Variants in VRK3 observed in about 807,000 individuals in gnomAD.
The protein encoded by VRK3 is serine/threonine-protein kinase VRK3.
In VRK3, 50 loss-of-function variants were observed where a neutral mutation model predicts 60.4. The ratio of observed to expected loss-of-function variants is 0.83; its 90% CI spans 0.66 to 1.05. VRK3 has a LOEUF of 1.05. VRK3 is among the 50% of genes least tolerant of loss of function. The pLI is 0.00. For missense variants in VRK3, 549 were observed against 585.3 expected, an observed-to-expected ratio of 0.94 and a Z score of 0.64; for synonymous variants, 246 against 227.8, an observed-to-expected ratio of 1.08 and a Z score of -0.72.
intron 1 of VRK3, among the ~76,000 whole-genome samples, chr19:50,022,793 CATAA>C (rs1254416029): frequency 2.0e-5 from 3 of 152,256 alleles, no homozygotes; most frequent in Middle Eastern, 3.4e-3. Flanking sequence ...GACTCAGTCT[CATAA>C]ATAAACAAAT....
At chr19:49,983,471 C>T (rs530454225) in intron 12 of VRK3, among the ~76,000 whole-genome samples, 3 of 152,156 alleles carry the variant, frequency 2.0e-5, no homozygotes, top group Non-Finnish European at 4.4e-5. Context: ...GACATACATG[C>T]GCAGGAAGGC....
chr19:49,995,912 C>G (rs1406064771), intron 7 of VRK3, among the ~76,000 whole-genome samples: 2 of 152,000 alleles, frequency 1.3e-5, no homozygotes, highest in Non-Finnish European at 2.9e-5. Flanking sequence ...CCAGGCCCAG[C>G]TAATTTTTTT....
chr19:49,995,334 G>C (rs370034290), intron 7 of VRK3, 59 bp from the exon 8 acceptor site: 144 of 1,513,022 alleles, frequency 9.5e-5, no homozygotes, highest in Non-Finnish European at 1.3e-4. Flanking sequence ...ATGGCAGTAA[G>C]AGCTAGTTCT....
intron 3 of VRK3, among the ~76,000 whole-genome samples, chr19:50,010,660 C>T (rs2076980542): frequency 6.6e-6 from 1 of 152,226 alleles, no homozygotes. Flanking sequence ...TGCCTGTAAT[C>T]CCAGCACTTT....
rs1232049212 is a variant in VRK3, at chr19:49,979,342, G to A, written c.1277-100C>T. The stretch of plus-strand genomic sequence containing the variant: ...CAAGGATGGAGGGGTGGGGGACTGA[G>A]GGGCATGAGGGTCTCAGCAAAAGTG... On this transcript the variant is annotated intron_variant, in intron 13 of 14. Transcript: ENST00000316763. The A allele has an allele frequency of 5.9e-6, 9 of 1,524,132 alleles. No homozygotes were observed. In the East Asian group the frequency reaches 1.6e-4, roughly 27 times the overall value. 94.4% of individuals were successfully genotyped at this position (1,524,132 alleles called of 1,614,324 possible).
intron 5 of VRK3, among the ~76,000 whole-genome samples, chr19:50,002,166 G>C (rs10423245): frequency 0.052 from 7,973 of 152,102 alleles, 690 homozygotes; most frequent in African/African-American, 0.18. Context: ...TCCTTCCTCT[G>C]TTCTCATCGT....
intron 7 of VRK3, 44 bp downstream of exon 7, chr19:49,997,460 G>A (rs746944450): frequency 8.1e-6 from 13 of 1,604,592 alleles, no homozygotes; most frequent in East Asian, 4.5e-5. Context: ...CCAAGTTGGC[G>A]CCCCCCTCAC....
rs928324274 is a variant in VRK3 at position 50,016,306 on chromosome 19, A to T, written c.-1-143T>A. The stretch of plus-strand genomic sequence containing the variant: ...ACTGTTTGTGATGTTCACTTCTTAA[A>T]ACATGCAATGGGAATGGGAGTGACA... On this transcript the variant is annotated intron_variant, in intron 2 of 14. Transcript: ENST00000316763. 5 of 1,083,302 alleles carry T rather than the reference A, an allele frequency of 4.6e-6. No individual in the cohort carries two copies. In the East Asian group the frequency reaches 1.3e-4, roughly 28 times the overall value. The allele number at this position is 1,083,302 out of a possible 1,614,324, so 67.1% of individuals were successfully genotyped here.
At chr19:49,985,774 TTTG>T (rs1455644513) in intron 12 of VRK3, among the ~76,000 whole-genome samples, 1 of 152,194 alleles carries the variant, frequency 6.6e-6, no homozygotes, top group Non-Finnish European at 1.5e-5. Context: ...GGGTTCAGTA[TTTG>T]TTGAGTGAAG....
At chr19:49,982,638 G>GT (rs1426557533) in intron 12 of VRK3, among the ~76,000 whole-genome samples, 3 of 152,188 alleles carry the variant, frequency 2.0e-5, no homozygotes, top group Non-Finnish European at 2.9e-5. Context: ...CACTGTGTCT[G>GT]TAAGTGGCCA....
intron 13 of VRK3, 78 bp downstream of exon 13, chr19:49,980,877 A>C: frequency 7.5e-7 from 1 of 1,337,130 alleles, no homozygotes; most frequent in Non-Finnish European, 1.0e-6. Flanking sequence ...AGGTGTAAGG[A>C]GAAGCCACCC....
chr19:49,984,840 G>T (rs1487692540), intron 12 of VRK3, among the ~76,000 whole-genome samples: 1 of 152,060 alleles, frequency 6.6e-6, no homozygotes. Context: ...GCCCAGGCGG[G>T]TCTCAAACTC....
At chr19:50,024,654 T>C (rs1215470826) in intron 1 of VRK3, among the ~76,000 whole-genome samples, 3 of 152,206 alleles carry the variant, frequency 2.0e-5, no homozygotes, top group Non-Finnish European at 4.4e-5. Context: ...ACCCAGGTTA[T>C]AGTAGTGTAA....
At chr19:50,013,905 A>G (rs2077034595) in intron 3 of VRK3, among the ~76,000 whole-genome samples, 1 of 152,226 alleles carries the variant, frequency 6.6e-6, no homozygotes. Context: ...CATTGCATAG[A>G]GGGAAGATGC....
chr19:50,004,813 G>C (rs1009479288), intron 5 of VRK3, among the ~76,000 whole-genome samples: 3 of 151,986 alleles, frequency 2.0e-5, no homozygotes, highest in Non-Finnish European at 4.4e-5. Context: ...GGGAGGCTGA[G>C]GGGGGAGAAT....
At position 49,988,353 on chromosome 19, in the gene VRK3, T is replaced by G. The variant is rs753384787; in HGVS notation, c.1217+19A>C. ...TTCTGCTGACCACCTGCAGGGGTTC[T>G]GCTGACCCCTAGACTCACTTCTGTT... On this transcript the variant is annotated intron_variant, in intron 12 of 14. Transcript: ENST00000316763. 6.2e-7 allele frequency: 1 copy of G among 1,608,446 alleles called. No homozygotes were observed. The highest frequency in any genetic ancestry group is 8.5e-7 in the Non-Finnish European group (1 of 1,176,770).
In VRK3 at chr19:50,007,640, G is replaced by A. The variant is rs756380413; in HGVS notation, c.476C>T (p.Thr159Ile). 1 of 1,614,230 alleles carries A rather than the reference G, an allele frequency of 6.2e-7. No individual in the cohort carries two copies. The highest frequency in any genetic ancestry group is 8.5e-7 in the Non-Finnish European group (1 of 1,180,038). ...CTTCCACTGTCGCCCACTCTTGTCT[G>A]TCAGCACTGTCCCTGTGGGCAAAGC... ...LEALPTGTVL[T>I]DKSGRQWKLK... The change falls in exon 5 of 15, where the codon ACA (threonine) becomes ATA (isoleucine). Residue 159 changes from threonine (T) to isoleucine (I), a missense_variant. Thr to Ile is a moderately conservative substitution (Grantham distance 89). Transcript: ENST00000316763.
intron 11 of VRK3, 61 bp from the exon 12 acceptor site, chr19:49,988,553 C>A: frequency 6.3e-7 from 1 of 1,578,002 alleles, no homozygotes; most frequent in South Asian, 1.1e-5. Flanking sequence ...CTGGTGGGTC[C>A]ACCCCCCTTC....
chr19:50,008,782 CAA>C (rs2076945315), intron 4 of VRK3: 2 of 153,910 alleles, frequency 1.3e-5, no homozygotes, highest in Admixed American at 1.3e-4. Context: ...CTATGGCACT[CAA>C]GAGAAGCTTC....
Sources: gnomAD v4.1 joint callset for allele counts (sites outside exome capture counted in the v4.1 genomes callset) on GRCh38, gnomAD v4.1.1 for gene constraint, MANE v1.5 for transcripts, NCBI Gene and HGNC (gene_info 2026-07-23, HGNC 2026-07-21) for gene names.